The following FBLN1 variants were observed in gnomAD, a reference collection of about 807,000 sequenced individuals.
The protein encoded by FBLN1 is fibulin 1, also known as fibulin-1.
A neutral mutation model predicts 89.7 loss-of-function variants in FBLN1; 34 were observed. That is an observed-to-expected ratio of 0.38 (90% confidence interval 0.29 to 0.50). The LOEUF is 0.50. Among genes scored for constraint, FBLN1 ranks in the 20% least tolerant of loss-of-function variants. The pLI is 0.92. For synonymous variants in FBLN1, 393 were observed against 391.3 expected (o/e 1.00, Z -0.05); for missense variants, 777 against 988.1 (o/e 0.79, Z 2.86).
chr22:45,549,423 C>A lies in FBLN1; in HGVS notation c.1573+679C>A, dbSNP rs2088673404. Among the ~76,000 whole-genome samples, 1 of 152,144 alleles carries A rather than the reference C, an allele frequency of 6.6e-6. No homozygotes were observed. Among genetic ancestry groups the A allele is most frequent in the Non-Finnish European group, 1.5e-5 (1 of 68,028 alleles). ...CTGTGGATCCTGGGGCTCTGGAAGC[C>A]CCCTGGGTCCCACAGATGTAGCTTC... is the stretch of plus-strand genomic sequence containing the variant. On this transcript the variant is annotated intron_variant, in intron 13 of 16. Coordinates refer to ENST00000327858, the MANE Select transcript of FBLN1 (RefSeq NM_006486.3). This position sits in a 1 kb window ranked among gnomAD's most constrained non-coding sequence, Gnocchi z 5.7.
At chr22:45,507,926 C>G (rs1261139621) in intron 1 of FBLN1, among the ~76,000 whole-genome samples, 1 of 152,178 alleles carries the variant, frequency 6.6e-6, no homozygotes, top group Non-Finnish European at 1.5e-5. Flanking sequence ...TGGCCTAGAA[C>G]TCCTCTATGG....
rs778310476 is a variant in FBLN1 at position 45,530,060 on chromosome 22, C to G, written c.485-1205C>G. Among the ~76,000 whole-genome samples, 1 of 148,976 alleles carries G rather than the reference C, an allele frequency of 6.7e-6. No homozygotes were observed. The highest frequency in any genetic ancestry group is 1.5e-5 in the Non-Finnish European group (1 of 67,686). On this transcript the variant is annotated intron_variant, in intron 4 of 16. Coordinates refer to ENST00000327858, the MANE Select transcript of FBLN1 (RefSeq NM_006486.3). The surrounding 1 kb of genome is among the most constrained non-coding windows in gnomAD (Gnocchi z 5.4). ...CTGGTCACAGAGGACCCGGGTCACC[C>G]GGGACTCATCTTTCACTTATTGTTC...
At chr22:45,548,283 T>C (rs1472977846) in intron 12 of FBLN1, among the ~76,000 whole-genome samples, 2 of 152,234 alleles carry the variant, frequency 1.3e-5, no homozygotes, top group African/African-American at 4.8e-5. Flanking sequence ...ACTCCTGGGC[T>C]CAAGTAACCC....
rs1602213612 is a variant in FBLN1 at position 45,565,253 on chromosome 22, T to C, written c.1698-9258T>C. 2.9e-6 allele frequency: 4 copies of C among 1,379,096 alleles called. No individual in the cohort carries two copies. The East Asian group carries it at 1.1e-4, about 38-fold the overall frequency. 85.4% of individuals were successfully genotyped at this position (1,379,096 alleles called of 1,614,324 possible). On this transcript the variant is annotated intron_variant, in intron 14 of 16. Coordinates refer to ENST00000327858, the MANE Select transcript of FBLN1 (RefSeq NM_006486.3). ...CTTAGAACCTTCCATGGTTGTCTTT[T>C]CCCAGCAGATGAAGCATAGCCTCCT...
rs2089039243 is a variant in FBLN1, at chr22:45,581,210, C to G, written c.1972+4102C>G. Among the ~76,000 whole-genome samples, 1 of 152,172 alleles carries G rather than the reference C, an allele frequency of 6.6e-6. No individual in the cohort carries two copies. Among genetic ancestry groups the G allele is most frequent in the Non-Finnish European group, 1.5e-5 (1 of 68,030 alleles). Reference sequence around the variant, plus strand: ...GCGGAAGAGAGAGACAGAAAGGCAACTCGAGGCCACCCGGGCTCCCCGGGC... The same window carrying G: ...GCGGAAGAGAGAGACAGAAAGGCAAGTCGAGGCCACCCGGGCTCCCCGGGC... On this transcript the variant is annotated intron_variant, in intron 16 of 16. Transcript: ENST00000327858. This position sits in a 1 kb window ranked among gnomAD's most constrained non-coding sequence, Gnocchi z 7.6.
chr22:45,533,732 C>G, intron 6 of FBLN1, 29 bp from the exon 7 acceptor site: 1 of 1,606,482 alleles, frequency 6.2e-7, no homozygotes, highest in Non-Finnish European at 8.5e-7. Context: ...TCTTGCTGGT[C>G]ACCCCCGCAC....
chr22:45,579,852 C>A lies in FBLN1; in HGVS notation c.1972+2744C>A, dbSNP rs979037424. On this transcript the variant is annotated intron_variant, in intron 16 of 16. Transcript: ENST00000327858. This position sits in a 1 kb window ranked among gnomAD's most constrained non-coding sequence, Gnocchi z 5.5. ...TCTGCCCAGAATAACTTCCATACAT[C>A]CTGGGAGCTTCCTGGTCCCTAGGGG... Among the ~76,000 whole-genome samples, 2 of 152,114 alleles carry A rather than the reference C, an allele frequency of 1.3e-5. No homozygotes were observed. The highest frequency in any genetic ancestry group is 4.8e-5 in the African/African-American group (2 of 41,444).
intron 1 of FBLN1, among the ~76,000 whole-genome samples, chr22:45,505,603 G>A (rs937712616): frequency 3.3e-5 from 5 of 152,148 alleles, no homozygotes; most frequent in South Asian, 2.1e-4. Flanking sequence ...AGGGCTCCAC[G>A]GGCCTTGTGA....
chr22:45,556,638 G>A lies in FBLN1; in HGVS notation c.1697+6023G>A, dbSNP rs2088791864. Among the ~76,000 whole-genome samples, 1 of 152,148 alleles carries A rather than the reference G, an allele frequency of 6.6e-6. No homozygotes were observed. The highest frequency in any genetic ancestry group is 2.4e-5 in the African/African-American group (1 of 41,430). On this transcript the variant is annotated intron_variant, in intron 14 of 16. Coordinates refer to ENST00000327858, the MANE Select transcript of FBLN1 (RefSeq NM_006486.3). This position sits in a 1 kb window ranked among gnomAD's most constrained non-coding sequence, Gnocchi z 4.6. Reference sequence around the variant, plus strand: ...TCTAACTTATCTTCATTTTGGAGTAGTAGACTGATTTCATCTTGATAGTCT... The same window carrying A: ...TCTAACTTATCTTCATTTTGGAGTAATAGACTGATTTCATCTTGATAGTCT...
rs1450070226 is a variant in FBLN1, at chr22:45,537,930, G to A, written c.922+2593G>A. Among the ~76,000 whole-genome samples the A allele has an allele frequency of 2.0e-5, 3 of 152,230 alleles. No homozygotes were observed. Among genetic ancestry groups the A allele is most frequent in the Non-Finnish European group, 2.9e-5 (2 of 68,038 alleles). ...AAAGGGGGGTCCGGAGGAGGCTGGCGTCGACTGAGGATGGAAACCCTGACT... is the reference window on the plus strand; with the variant it reads ...AAAGGGGGGTCCGGAGGAGGCTGGCATCGACTGAGGATGGAAACCCTGACT... On this transcript the variant is annotated intron_variant, in intron 8 of 16. Coordinates refer to ENST00000327858, the MANE Select transcript of FBLN1 (RefSeq NM_006486.3). This position sits in a 1 kb window ranked among gnomAD's most constrained non-coding sequence, Gnocchi z 5.7.
Position 45,540,266 on chromosome 22 carries a change from G to A in FBLN1, c.923-963G>A, listed in dbSNP as rs181816441. Among the ~76,000 whole-genome samples, 477 of 152,322 alleles carry A rather than the reference G, an allele frequency of 3.1e-3. 3 individuals carry two copies. The highest frequency in any genetic ancestry group is 0.011 in the African/African-American group (449 of 41,562). ...CGGACCTTGGTTTCCTGTTTATAAA[G>A]TGCAGGCAGTAATGATAGTGATACC... On this transcript the variant is annotated intron_variant, in intron 8 of 16. Coordinates refer to ENST00000327858, the MANE Select transcript of FBLN1 (RefSeq NM_006486.3).
chr22:45,595,856 T>G (rs1172842301), intron 16 of FBLN1, among the ~76,000 whole-genome samples: 4 of 152,204 alleles, frequency 2.6e-5, no homozygotes, highest in Non-Finnish European at 4.4e-5. Context: ...GTTGCTGGGG[T>G]TTTTTTTGTT....
intron 2 of FBLN1, among the ~76,000 whole-genome samples, chr22:45,525,333 G>A (rs1351237746): frequency 6.6e-6 from 1 of 152,250 alleles, no homozygotes; most frequent in African/African-American, 2.4e-5. Flanking sequence ...GGCATTACTG[G>A]TGTGAACCAC....
chr22:45,581,011 G>C lies in FBLN1; in HGVS notation c.1972+3903G>C, dbSNP rs1036662349. ...GTGCAAAAATGCTCCATTAATGCCC[G>C]AGGGATTCTCAGGCCACTACAAAGC... On this transcript the variant is annotated intron_variant, in intron 16 of 16. Coordinates refer to ENST00000327858, the MANE Select transcript of FBLN1 (RefSeq NM_006486.3). This position sits in a 1 kb window ranked among gnomAD's most constrained non-coding sequence, Gnocchi z 7.6. Among the ~76,000 whole-genome samples the C allele has an allele frequency of 6.6e-6, 1 of 152,222 alleles. No homozygotes were observed. Among genetic ancestry groups the C allele is most frequent in the Non-Finnish European group, 1.5e-5 (1 of 68,046 alleles).
At position 45,578,468 on chromosome 22, in the gene FBLN1, TTTGG is replaced by T. The variant is rs1437504484; in HGVS notation, c.1972+1364_1972+1367del. The T allele has an allele frequency of 1.3e-5, 2 of 152,012 alleles. No individual in the cohort carries two copies. The highest frequency in any genetic ancestry group is 3.9e-4 in the East Asian group (2 of 5,172). The allele number at this position is 152,012 out of a possible 1,614,324, so 9.4% of individuals were successfully genotyped here. A position where few individuals can be genotyped will look rare whatever the true frequency, so the allele number is the denominator to read the frequency against. ...GTGATTCCAAGGGGAAGGCGCATGGTTTGGTTGTCGGCAGTTGTGAAACTTGCTG... is the reference window on the plus strand; with the variant it reads ...GTGATTCCAAGGGGAAGGCGCATGGTTTGTCGGCAGTTGTGAAACTTGCTG... On this transcript the variant is annotated intron_variant, in intron 16 of 16. Transcript: ENST00000327858. The surrounding 1 kb of genome is among the most constrained non-coding windows in gnomAD (Gnocchi z 4.6).
intron 16 of FBLN1, among the ~76,000 whole-genome samples, chr22:45,589,133 T>C (rs1338766988): frequency 5.4e-5 from 8 of 148,546 alleles, no homozygotes; most frequent in African/African-American, 2.0e-4. Context: ...ATATAAAAAA[T>C]ATGTAAAAAT....
chr22:45,589,558 T>C (rs1336532230), intron 16 of FBLN1, among the ~76,000 whole-genome samples: 1 of 152,240 alleles, frequency 6.6e-6, no homozygotes, highest in Non-Finnish European at 1.5e-5. Context: ...GCCATGGCCC[T>C]GCAGCAGGGG....
At position 45,562,347 on chromosome 22, in the gene FBLN1, TG is replaced by T. The variant is rs1288913553; in HGVS notation, c.1697+11735del. Among the ~76,000 whole-genome samples the T allele has an allele frequency of 6.6e-6, 1 of 151,762 alleles. No homozygotes were observed. Among genetic ancestry groups the T allele is most frequent in the African/African-American group, 2.4e-5 (1 of 41,282 alleles). On this transcript the variant is annotated intron_variant, in intron 14 of 16. Coordinates refer to ENST00000327858, the MANE Select transcript of FBLN1 (RefSeq NM_006486.3). The surrounding 1 kb of genome is among the most constrained non-coding windows in gnomAD (Gnocchi z 7.8). Reference sequence around the variant, plus strand: ...TCACTCACTCTGTGACCTTGGGAAGTGGGAAGGCCACATTCTCTCTGAGCCT... The same window carrying T: ...TCACTCACTCTGTGACCTTGGGAAGTGGAAGGCCACATTCTCTCTGAGCCT...
intron 1 of FBLN1, 77 bp from the exon 2 acceptor site, chr22:45,518,605 C>A (rs1420702590): frequency 3.9e-6 from 4 of 1,035,384 alleles, no homozygotes; most frequent in Non-Finnish European, 5.9e-6. Flanking sequence ...ACGTGCGTGT[C>A]CTGGTGGTGC....
Sources: gnomAD v4.1 joint callset for allele counts (sites outside exome capture counted in the v4.1 genomes callset) on GRCh38, gnomAD v4.1.1 for gene constraint, Gnocchi (gnomAD v3.1) non-coding constraint, MANE v1.5 for transcripts, NCBI Gene and HGNC (gene_info 2026-07-23, HGNC 2026-07-21) for gene names.